GUCY1A2: variants seen among roughly 807,000 people sequenced by gnomAD.
The protein encoded by GUCY1A2 is guanylate cyclase soluble subunit alpha-2.
In GUCY1A2, 27 loss-of-function variants were observed where a neutral mutation model predicts 63.5. The ratio of observed to expected loss-of-function variants is 0.43; its 90% CI spans 0.31 to 0.59. GUCY1A2 has a LOEUF of 0.59. Among genes scored for constraint, GUCY1A2 ranks in the 20% least tolerant of loss-of-function variants. GUCY1A2 has a pLI of 0.11. For synonymous variants in GUCY1A2, 364 were observed against 343.5 expected, an observed-to-expected ratio of 1.06 and a Z score of -0.66; for missense variants, 768 against 913.3, an observed-to-expected ratio of 0.84 and a Z score of 2.05.
At chr11:106,878,984 A>G (rs763779224) in intron 4 of GUCY1A2, among the ~76,000 whole-genome samples, 1 of 152,074 alleles carries the variant, frequency 6.6e-6, no homozygotes, top group Non-Finnish European at 1.5e-5. Context: ...CAACAGGACT[A>G]ATATAACTAC....
chr11:106,931,465 A>G (rs1409496989), intron 4 of GUCY1A2, among the ~76,000 whole-genome samples: 1 of 152,240 alleles, frequency 6.6e-6, no homozygotes, highest in Non-Finnish European at 1.5e-5. Flanking sequence ...TTAAACATGT[A>G]CTTACTATAT....
intron 5 of GUCY1A2, among the ~76,000 whole-genome samples, chr11:106,787,598 G>GGGAGGGTGAGGGAGGGGGGA (rs1306634840): frequency 6.8e-6 from 1 of 146,654 alleles, no homozygotes; most frequent in Non-Finnish European, 1.5e-5. Context: ...GGAAGGGAAG[G>GGGAGGGTGAGGGAGGGGGGA]GAAAAAGAGA....
rs1361063820 is a variant in GUCY1A2 at position 106,675,790 on chromosome 11, T to C, written c.*11759A>G. ...CAGTATTTTCATAGATACCAATTTA[T>C]ATGGTAGCTGCCTGTTTTTTCACAA... On this transcript the variant is annotated 3_prime_UTR_variant, in exon 8 of 8. Coordinates refer to ENST00000526355, the MANE Select transcript of GUCY1A2 (RefSeq NM_000855.3). The C allele has an allele frequency of 1.6e-5, 3 of 190,770 alleles. No homozygotes were observed. Among genetic ancestry groups the C allele is most frequent in the East Asian group, 1.7e-4 (2 of 12,022 alleles). The allele number at this position is 190,770 out of a possible 1,614,324, so 11.8% of individuals were successfully genotyped here.
intron 1 of GUCY1A2, among the ~76,000 whole-genome samples, chr11:107,000,344 T>C (rs2120179980): frequency 6.6e-6 from 1 of 152,324 alleles, no homozygotes; most frequent in African/African-American, 2.4e-5. Context: ...CCCTCATATC[T>C]GTCTGAAGCT....
intron 4 of GUCY1A2, among the ~76,000 whole-genome samples, chr11:106,922,945 C>G (rs1165692572): frequency 6.6e-6 from 1 of 151,456 alleles, no homozygotes. Flanking sequence ...GACTCGAGGT[C>G]AAAATTCGGA....
At chr11:106,999,363 G>A (rs937752914) in intron 1 of GUCY1A2, among the ~76,000 whole-genome samples, 17 of 152,068 alleles carry the variant, frequency 1.1e-4, no homozygotes, top group African/African-American at 4.1e-4. Flanking sequence ...AAATACCAAG[G>A]CAGAAACTGA....
At chr11:106,920,372 C>T (rs1180457186) in intron 4 of GUCY1A2, among the ~76,000 whole-genome samples, 1 of 151,960 alleles carries the variant, frequency 6.6e-6, no homozygotes, top group African/African-American at 2.4e-5. Flanking sequence ...TATTACATAT[C>T]GATTATACTC....
intron 3 of GUCY1A2, among the ~76,000 whole-genome samples, chr11:106,941,595 GC>G (rs1168633277): frequency 6.6e-6 from 1 of 152,166 alleles, no homozygotes; most frequent in Non-Finnish European, 1.5e-5. Flanking sequence ...CTTTGCTAGC[GC>G]CCCATTAGAG....
chr11:106,916,357 A>T (rs2119884743), intron 4 of GUCY1A2, among the ~76,000 whole-genome samples: 1 of 145,672 alleles, frequency 6.9e-6, no homozygotes, highest in Non-Finnish European at 1.5e-5. Flanking sequence ...CAAATGTTAT[A>T]AATTACTGAC....
chr11:106,800,030 C>T (rs1591282560), intron 5 of GUCY1A2, among the ~76,000 whole-genome samples: 2 of 152,226 alleles, frequency 1.3e-5, no homozygotes, highest in Non-Finnish European at 2.9e-5. Context: ...ACAAAGAACT[C>T]AAACAAATTT....
intron 4 of GUCY1A2, among the ~76,000 whole-genome samples, chr11:106,866,938 T>C (rs896835127): frequency 1.3e-5 from 2 of 152,050 alleles, no homozygotes; most frequent in Non-Finnish European, 2.9e-5. Flanking sequence ...ATAGCACAGG[T>C]CATAGCTGCC....
intron 5 of GUCY1A2, among the ~76,000 whole-genome samples, chr11:106,788,425 G>T (rs1864602718): frequency 6.6e-6 from 1 of 151,956 alleles, no homozygotes; most frequent in Non-Finnish European, 1.5e-5. Flanking sequence ...CACTTTCATT[G>T]CCTGTGCTTG....
chr11:106,769,102 C>A (rs531171313), intron 6 of GUCY1A2, among the ~76,000 whole-genome samples: 8 of 151,802 alleles, frequency 5.3e-5, no homozygotes, highest in Non-Finnish European at 7.4e-5. Flanking sequence ...TAAATTATTT[C>A]TATAATATTT....
At chr11:106,841,795 A>G (rs1377943021) in intron 4 of GUCY1A2, among the ~76,000 whole-genome samples, 1 of 151,982 alleles carries the variant, frequency 6.6e-6, no homozygotes, top group Non-Finnish European at 1.5e-5. Context: ...ACATACACAC[A>G]TAAGTGTATG....
At chr11:106,705,083 T>C (rs1048590964) in intron 7 of GUCY1A2, among the ~76,000 whole-genome samples, 3 of 152,096 alleles carry the variant, frequency 2.0e-5, no homozygotes, top group African/African-American at 7.2e-5. Context: ...AAAAATTTCT[T>C]TTTTGTAATG....
intron 1 of GUCY1A2, among the ~76,000 whole-genome samples, chr11:107,014,471 T>C (rs574016501): frequency 4.6e-5 from 7 of 152,318 alleles, no homozygotes; most frequent in Admixed American, 3.3e-4. Context: ...TCCAGAGATA[T>C]GTAAGTTTCT....
intron 3 of GUCY1A2, among the ~76,000 whole-genome samples, chr11:106,961,726 T>C (rs774203992): frequency 6.6e-6 from 1 of 152,224 alleles, no homozygotes; most frequent in African/African-American, 2.4e-5. Context: ...CAGTATATTA[T>C]TGCTATTTCC....
Position 106,800,754 on chromosome 11 carries a change from G to A in GUCY1A2, c.1692+9239C>T, listed in dbSNP as rs190158741. ...GGCCTGTCGTGGGGTAGGGGGAAGG[G>A]GGAGGGATAGCATTAGGAGATATAC... On this transcript the variant is annotated intron_variant, in intron 5 of 7. Transcript: ENST00000526355. Among the ~76,000 whole-genome samples the A allele has an allele frequency of 6.6e-5, 10 of 152,170 alleles. No homozygotes were observed. The East Asian group carries it at 1.2e-3, about 18-fold the overall frequency.
At position 106,748,510 on chromosome 11, in the gene GUCY1A2, G is replaced by A. The variant is rs188891643; in HGVS notation, c.1836+27929C>T. ...GCACCTCATTTTTCAGCCCTTCTGTGTTCCCTCCCTGTTAATTCTCTTAGG... is the reference window on the plus strand; with the variant it reads ...GCACCTCATTTTTCAGCCCTTCTGTATTCCCTCCCTGTTAATTCTCTTAGG... On this transcript the variant is annotated intron_variant, in intron 6 of 7. Coordinates refer to ENST00000526355, the MANE Select transcript of GUCY1A2 (RefSeq NM_000855.3). 3.1e-4 allele frequency among the ~76,000 whole-genome samples: 47 copies of A among 152,256 alleles called. No homozygotes were observed. In the East Asian group the frequency reaches 9.1e-3, roughly 29 times the overall value.
Sources: allele counts gnomAD v4.1 joint callset (sites outside exome capture counted in the v4.1 genomes callset), GRCh38; gene constraint gnomAD v4.1.1; transcripts MANE v1.5; gene names NCBI Gene and HGNC (gene_info 2026-07-23, HGNC 2026-07-21).